The following PRDM15 variants were observed in gnomAD, a reference collection of about 807,000 sequenced individuals.
PRDM15 encodes PR/SET domain 15.
Under a neutral mutation model 128.6 loss-of-function variants are expected in PRDM15, and 64 were observed. The observed-to-expected ratio is 0.50, with a 90% CI of 0.41 to 0.61. The LOEUF (loss-of-function observed/expected upper bound fraction) is 0.61, where lower values mean the gene tolerates loss of function less well. Among genes scored for constraint, PRDM15 ranks in the 20% least tolerant of loss-of-function variants. The pLI is 0.00. For missense variants in PRDM15, 1,242 were observed against 1,569.1 expected (o/e 0.79, Z 3.52); for synonymous variants, 615 against 621.8 (o/e 0.99, Z 0.16).
intron 3 of PRDM15, among the ~76,000 whole-genome samples, chr21:41,858,729 C>T (rs1337374599): frequency 1.3e-5 from 2 of 151,774 alleles, no homozygotes; most frequent in African/African-American, 4.8e-5. Context: ...TCATGGGCAA[C>T]AGGCAGTCCC....
At chr21:41,837,831 C>T (rs1452352460) in intron 8 of PRDM15, 103 bp downstream of exon 8, 18 of 1,319,766 alleles carry the variant, frequency 1.4e-5, no homozygotes, top group Non-Finnish European at 1.6e-5. Flanking sequence ...CATCTCCTTC[C>T]CTGGGGCTTT....
rs1401287931 is a variant in PRDM15 at position 41,832,910 on chromosome 21, C to T, written c.1366+2527G>A. 1.3e-5 allele frequency among the ~76,000 whole-genome samples: 2 copies of T among 152,196 alleles called. No individual in the cohort carries two copies. Among genetic ancestry groups the T allele is most frequent in the Non-Finnish European group, 2.9e-5 (2 of 68,040 alleles). On this transcript the variant is annotated intron_variant, in intron 11 of 23. Coordinates refer to ENST00000398548, the MANE Select transcript of PRDM15 (RefSeq NM_001040424.3). This position sits in a 1 kb window ranked among gnomAD's most constrained non-coding sequence, Gnocchi z 4.2. ...GACAACTCTGCCAAGCCGAGGGTGG[C>T]TTCTCCCGCAGCCACCCACTCACTG...
chr21:41,828,210 T>A lies in PRDM15; in HGVS notation c.1490A>T (p.Tyr497Phe). 3 of 1,614,004 alleles carry A rather than the reference T, an allele frequency of 1.9e-6. No individual in the cohort carries two copies. The highest frequency in any genetic ancestry group is 2.5e-6 in the Non-Finnish European group (3 of 1,179,980). The change falls in exon 12 of 24, where the codon TAC (tyrosine) becomes TTC (phenylalanine). Residue 497 changes from tyrosine (Y) to phenylalanine (F), a missense_variant. By Grantham distance (22) the Tyr-to-Phe change is conservative. This residue lies in a region of PRDM15 where 612 missense variants were observed against 717.0 expected (regional missense o/e 0.85). Transcript: ENST00000398548. The surrounding 1 kb of genome is among the most constrained non-coding windows in gnomAD (Gnocchi z 5.7). ...GTGGTCCAGCATGACGTCCTTGCGGTAGAACATCTTGCTGCAGACCTCACA... is the reference window on the plus strand; with the variant it reads ...GTGGTCCAGCATGACGTCCTTGCGGAAGAACATCTTGCTGCAGACCTCACA... ...FACEVCSKMF[Y>F]RKDVMLDHQR...
chr21:41,861,739 TG>T lies in PRDM15; in HGVS notation c.-9-1368del, dbSNP rs754962919. The T allele has an allele frequency of 1.3e-4, 211 of 1,614,012 alleles. 3 individuals are homozygous for T. In the Middle Eastern group the frequency reaches 4.5e-3, roughly 34 times the overall value. On this transcript the variant is annotated intron_variant, in intron 1 of 23. Transcript: ENST00000398548. ...AACTCATATGGAAACTCACAGTCAC[TG>T]AACTTGTGTGTCTGAGAGCAGTGCC...
chr21:41,832,866 C>G lies in PRDM15; in HGVS notation c.1366+2571G>C, dbSNP rs531361708. 6.6e-6 allele frequency among the ~76,000 whole-genome samples: 1 copy of G among 152,198 alleles called. No individual in the cohort carries two copies. Among genetic ancestry groups the G allele is most frequent in the African/African-American group, 2.4e-5 (1 of 41,446 alleles). ...CCATGGAAAGAGAACCTACTTCAGG[C>G]CACTCCCCAGCTGTCCCGGACAACT... On this transcript the variant is annotated intron_variant, in intron 11 of 23. Transcript: ENST00000398548. The surrounding 1 kb of genome is among the most constrained non-coding windows in gnomAD (Gnocchi z 4.2).
intron 5 of PRDM15, among the ~76,000 whole-genome samples, chr21:41,851,390 T>C (rs2063424492): frequency 6.6e-6 from 1 of 152,186 alleles, no homozygotes; most frequent in African/African-American, 2.4e-5. Flanking sequence ...TAGCTTCAGC[T>C]GGGTGAGGTG....
chr21:41,868,201 G>A (rs1325942129), intron 1 of PRDM15, among the ~76,000 whole-genome samples: 1 of 152,094 alleles, frequency 6.6e-6, no homozygotes, highest in Non-Finnish European at 1.5e-5. Flanking sequence ...CATGATTCGA[G>A]TGCATTACCG....
rs866648817 is a variant in PRDM15, at chr21:41,806,258, T to C, written c.2653-1644A>G. Among the ~76,000 whole-genome samples, 3 of 1,662 alleles carry C rather than the reference T, an allele frequency of 1.8e-3. 1 individual carries two copies. Among genetic ancestry groups the C allele is most frequent in the Non-Finnish European group, 1.8e-3 (2 of 1,122 alleles). The allele number at this position is 1,662 out of a possible 152,430, so 1.1% of individuals were successfully genotyped here. On this transcript the variant is annotated intron_variant, in intron 21 of 23. Coordinates refer to ENST00000398548, the MANE Select transcript of PRDM15 (RefSeq NM_001040424.3). ...ACTACCACCATCACCACCACCACCA[T>C]CACCACCACCCATCACCACCACCAC...
intron 1 of PRDM15, among the ~76,000 whole-genome samples, chr21:41,876,399 C>A (rs1389550372): frequency 1.1e-4 from 16 of 152,186 alleles, no homozygotes. Flanking sequence ...TTGGTCACAG[C>A]AGAGTCCCCC....
At chr21:41,803,533 G>A (rs1202523737) in intron 22 of PRDM15, among the ~76,000 whole-genome samples, 11 of 152,300 alleles carry the variant, frequency 7.2e-5, no homozygotes, top group South Asian at 4.1e-4. Context: ...AGTGGTGGCC[G>A]GTGAGTGGTC....
At chr21:41,856,858 G>T (rs534077623) in intron 4 of PRDM15, among the ~76,000 whole-genome samples, 1 of 152,196 alleles carries the variant, frequency 6.6e-6, no homozygotes, top group Non-Finnish European at 1.5e-5. Context: ...CCTGCAAGAC[G>T]CTGCCTCGTA....
intron 5 of PRDM15, among the ~76,000 whole-genome samples, chr21:41,848,811 C>T (rs1363420252): frequency 2.0e-5 from 3 of 152,156 alleles, no homozygotes; most frequent in Admixed American, 6.5e-5. Context: ...GACGACTGCC[C>T]GCTCATCAAG....
chr21:41,846,026 C>T (rs1026034845), intron 6 of PRDM15, among the ~76,000 whole-genome samples: 5 of 151,890 alleles, frequency 3.3e-5, no homozygotes, highest in African/African-American at 1.2e-4. Context: ...AAGCAGAGGG[C>T]GAAATGACAC....
At chr21:41,874,188 CCTA>C (rs1442969602) in intron 1 of PRDM15, among the ~76,000 whole-genome samples, 1 of 151,622 alleles carries the variant, frequency 6.6e-6, no homozygotes, top group East Asian at 1.9e-4. Context: ...AGGACTGACT[CCTA>C]CTTAACGATG....
At chr21:41,870,856 G>A (rs2064184873) in intron 1 of PRDM15, 1 of 152,240 alleles carries the variant, frequency 6.6e-6, no homozygotes. Flanking sequence ...CAGGCCCAGG[G>A]TGTGAGTCTG....
chr21:41,874,525 A>ATATATTTTTT, intron 1 of PRDM15, among the ~76,000 whole-genome samples: 60 of 95,806 alleles, frequency 6.3e-4, no homozygotes, highest in African/African-American at 1.7e-3. Flanking sequence ...ATATATATAT[A>ATATATTTTTT]TTTTTTTTTT....
intron 5 of PRDM15, among the ~76,000 whole-genome samples, chr21:41,847,982 C>T (rs529217407): frequency 5.0e-4 from 76 of 152,316 alleles, no homozygotes; most frequent in African/African-American, 1.8e-3. Flanking sequence ...AATTGGGAGG[C>T]GTTTTAAGTG....
At chr21:41,853,149 A>G (rs2145832219) in intron 5 of PRDM15, among the ~76,000 whole-genome samples, 1 of 152,306 alleles carries the variant, frequency 6.6e-6, no homozygotes, top group East Asian at 1.9e-4. Context: ...ACGTGAAGGC[A>G]CTGGGTTGCT....
At chr21:41,816,811 C>T (rs578228574) in intron 18 of PRDM15, among the ~76,000 whole-genome samples, 18 of 152,020 alleles carry the variant, frequency 1.2e-4, no homozygotes, top group African/African-American at 3.4e-4. Flanking sequence ...CTCCTGGCCT[C>T]GGGTGGGGAC....
Sources: gnomAD v4.1 joint callset for allele counts (sites outside exome capture counted in the v4.1 genomes callset) on GRCh38, gnomAD v4.1.1 for gene constraint, gnomAD v4.1.1 regional missense constraint, Gnocchi (gnomAD v3.1) non-coding constraint, MANE v1.5 for transcripts, NCBI Gene and HGNC (gene_info 2026-07-23, HGNC 2026-07-21) for gene names.